The following WWOX variants were observed in gnomAD, a reference collection of about 807,000 sequenced individuals.
WWOX encodes the protein WW domain-containing oxidoreductase.
In WWOX, 69 loss-of-function variants were observed where a neutral mutation model predicts 46.2. The ratio of observed to expected loss-of-function variants is 1.49; its 90% CI spans 1.23 to 1.82. WWOX has a LOEUF of 1.82. WWOX is among the 40% of genes most tolerant of loss of function. The probability of loss-of-function intolerance (pLI) is 0.00; values close to 1 mark genes in which losing one functional copy is unlikely to be tolerated. For missense variants in WWOX, 919 were observed against 542.6 expected, an observed-to-expected ratio of 1.69 and a Z score of -6.89; for synonymous variants, 359 against 202.6, an observed-to-expected ratio of 1.77 and a Z score of -6.56.
Position 78,889,715 on chromosome 16 carries a change from G to A in WWOX, c.1057-321893G>A, listed in dbSNP as rs1032208894. On this transcript the variant is annotated intron_variant, in intron 8 of 8. Coordinates refer to ENST00000566780, the MANE Select transcript of WWOX (RefSeq NM_016373.4). The stretch of plus-strand genomic sequence containing the variant: ...GTGTGGGCAGGTGACAATTTCTGCA[G>A]GTATTTTCCCCCCATTTTAACTTGT... Among the ~76,000 whole-genome samples, 3 of 152,210 alleles carry A rather than the reference G, an allele frequency of 2.0e-5. No individual in the cohort carries two copies. In the East Asian group the frequency reaches 5.8e-4, roughly 29 times the overall value.
intron 8 of WWOX, among the ~76,000 whole-genome samples, chr16:78,589,493 T>C (rs986969185): frequency 9.2e-5 from 14 of 152,158 alleles, no homozygotes; most frequent in Admixed American, 9.2e-4. Context: ...TTCCTCATCA[T>C]CTCAGCCTCC....
chr16:79,138,572 G>A (rs2050027810), intron 8 of WWOX, among the ~76,000 whole-genome samples: 1 of 152,158 alleles, frequency 6.6e-6, no homozygotes, highest in South Asian at 2.1e-4. Flanking sequence ...TCTTGATTAG[G>A]CCCGTTATTA....
At chr16:78,394,783 G>A (rs2082248444) in intron 6 of WWOX, among the ~76,000 whole-genome samples, 1 of 152,192 alleles carries the variant, frequency 6.6e-6, no homozygotes, top group Non-Finnish European at 1.5e-5. Flanking sequence ...AACAGACAAT[G>A]GGCCAGATTG....
intron 8 of WWOX, among the ~76,000 whole-genome samples, chr16:79,070,268 A>ATGTGTGTGTGTG (rs4035490): frequency 0.013 from 1,901 of 145,148 alleles, 31 homozygotes; most frequent in African/African-American, 0.031. Context: ...TGTGTTTCTG[A>ATGTGTGTGTGTG]TGTGTGTGTG....
At chr16:78,843,514 C>G (rs1185547305) in intron 8 of WWOX, among the ~76,000 whole-genome samples, 1 of 150,052 alleles carries the variant, frequency 6.7e-6, no homozygotes, top group African/African-American at 2.4e-5. Flanking sequence ...AACAAACCCA[C>G]AAATGACATG....
At chr16:79,189,138 G>A (rs566332923) in intron 8 of WWOX, among the ~76,000 whole-genome samples, 26 of 152,234 alleles carry the variant, frequency 1.7e-4, no homozygotes, top group South Asian at 1.0e-3. Context: ...TATTGCCCCT[G>A]GGACATTGGA....
chr16:79,128,803 C>G (rs1231700601), intron 8 of WWOX, among the ~76,000 whole-genome samples: 1 of 152,148 alleles, frequency 6.6e-6, no homozygotes, highest in African/African-American at 2.4e-5. Context: ...GCTAGGTCTC[C>G]TTACATATTT....
chr16:78,183,964 C>A (rs1306868206), intron 5 of WWOX, among the ~76,000 whole-genome samples: 1 of 152,152 alleles, frequency 6.6e-6, no homozygotes. Context: ...ATCCTAAAAG[C>A]CTGCACAAAC....
At position 78,268,138 on chromosome 16, in the gene WWOX, A is replaced by G. The variant is rs192322436; in HGVS notation, c.516+103849A>G. Among the ~76,000 whole-genome samples, 420 of 152,250 alleles carry G rather than the reference A, an allele frequency of 2.8e-3. 10 individuals are homozygous for G. The highest frequency in any genetic ancestry group is 0.02 in the Admixed American group (305 of 15,298). ...CTGGCTTGCTCCACGATTTTCCTCT[A>G]TGAATTCCACCTTTCCCATGGTGGG... On this transcript the variant is annotated intron_variant, in intron 5 of 8. Coordinates refer to ENST00000566780, the MANE Select transcript of WWOX (RefSeq NM_016373.4).
intron 8 of WWOX, among the ~76,000 whole-genome samples, chr16:78,935,866 C>G (rs920341504): frequency 1.3e-5 from 2 of 151,978 alleles, no homozygotes; most frequent in African/African-American, 4.8e-5. Flanking sequence ...GAGCTCACAT[C>G]ACACCACTGC....
intron 8 of WWOX, among the ~76,000 whole-genome samples, chr16:79,143,246 T>C (rs2050123894): frequency 6.6e-6 from 1 of 152,238 alleles, no homozygotes; most frequent in Non-Finnish European, 1.5e-5. Context: ...CTGGATGAAG[T>C]CTTTCTCTAC....
At chr16:78,688,683 G>C (rs780464749) in intron 8 of WWOX, among the ~76,000 whole-genome samples, 16 of 152,126 alleles carry the variant, frequency 1.1e-4, no homozygotes, top group Admixed American at 3.3e-4. Context: ...ACAACTTGGG[G>C]AAGGGGCAAG....
intron 8 of WWOX, among the ~76,000 whole-genome samples, chr16:78,573,091 C>T (rs1229843083): frequency 6.6e-6 from 1 of 152,140 alleles, no homozygotes; most frequent in Admixed American, 6.6e-5. Flanking sequence ...AGAGACCACC[C>T]TGGCTAACAT....
intron 8 of WWOX, among the ~76,000 whole-genome samples, chr16:79,192,886 A>G (rs1053979914): frequency 6.6e-6 from 1 of 152,212 alleles, no homozygotes; most frequent in African/African-American, 2.4e-5. Context: ...ACAGGGCCGC[A>G]GGACTGAGGT....
At chr16:78,556,709 T>C (rs1320046432) in intron 8 of WWOX, among the ~76,000 whole-genome samples, 1 of 152,100 alleles carries the variant, frequency 6.6e-6, no homozygotes, top group African/African-American at 2.4e-5. Flanking sequence ...AAACACATTT[T>C]TTATTTATTT....
At chr16:78,470,127 C>G (rs181638322) in intron 8 of WWOX, among the ~76,000 whole-genome samples, 1 of 152,204 alleles carries the variant, frequency 6.6e-6, no homozygotes, top group Non-Finnish European at 1.5e-5. Flanking sequence ...CTCTTTTCAT[C>G]TTGTGGCTCA....
At chr16:78,797,077 C>T (rs2050758400) in intron 8 of WWOX, among the ~76,000 whole-genome samples, 1 of 152,096 alleles carries the variant, frequency 6.6e-6, no homozygotes, top group Non-Finnish European at 1.5e-5. Context: ...CCACCCACCT[C>T]AGCCTCCTAA....
intron 5 of WWOX, among the ~76,000 whole-genome samples, chr16:78,231,932 T>C (rs1233641224): frequency 2.0e-5 from 3 of 152,178 alleles, no homozygotes; most frequent in African/African-American, 7.2e-5. Context: ...GAATTCAGTG[T>C]TTTTATTTAA....
At chr16:78,734,528 A>G (rs897375508) in intron 8 of WWOX, among the ~76,000 whole-genome samples, 6 of 151,998 alleles carry the variant, frequency 3.9e-5, no homozygotes, top group Non-Finnish European at 8.8e-5. Context: ...CTGGGACCTC[A>G]GACCTTGGAC....
Sources: allele counts gnomAD v4.1 joint callset (sites outside exome capture counted in the v4.1 genomes callset), GRCh38; gene constraint gnomAD v4.1.1; transcripts MANE v1.5; gene names NCBI Gene and HGNC (gene_info 2026-07-23, HGNC 2026-07-21).